ZSCAN21: variants seen among roughly 807,000 people sequenced by gnomAD.
The protein encoded by ZSCAN21 is zinc finger and SCAN domain containing 21.
Under a neutral mutation model 35.6 loss-of-function variants are expected in ZSCAN21, and 26 were observed. The observed-to-expected ratio is 0.73, with a 90% CI of 0.54 to 1.01. The LOEUF (loss-of-function observed/expected upper bound fraction) is 1.01, where lower values mean the gene tolerates loss of function less well. Ranked by LOEUF, ZSCAN21 falls within the 50% of genes least tolerant of loss-of-function variation. The pLI, the probability that ZSCAN21 is intolerant of heterozygous loss-of-function variation, is 0.00. For missense variants in ZSCAN21, 593 were observed against 587.1 expected (o/e 1.01, Z -0.10); for synonymous variants, 219 against 219.3 (o/e 1.00, Z 0.01).
At chr7:100,054,408 C>T (rs893670739) in intron 1 of ZSCAN21, among the ~76,000 whole-genome samples, 20 of 151,704 alleles carry the variant, frequency 1.3e-4, no homozygotes, top group Non-Finnish European at 8.8e-5. Flanking sequence ...TGTCACCACG[C>T]CCGGCTAATT....
chr7:100,054,390 C>T (rs907193567), intron 1 of ZSCAN21, among the ~76,000 whole-genome samples: 5 of 151,690 alleles, frequency 3.3e-5, no homozygotes, highest in African/African-American at 9.7e-5. Context: ...GTTGGGATCA[C>T]AGGTGCCTGT....
intron 1 of ZSCAN21, among the ~76,000 whole-genome samples, chr7:100,052,524 G>A (rs547897265): frequency 2.0e-5 from 3 of 152,238 alleles, no homozygotes; most frequent in African/African-American, 7.2e-5. Context: ...AATGAGAGTT[G>A]CCATTAGCTG....
chr7:100,063,857 A>C lies in ZSCAN21; in HGVS notation c.662A>C (p.Lys221Thr). The C allele has an allele frequency of 6.2e-7, 1 of 1,614,144 alleles. No individual in the cohort carries two copies. The highest frequency in any genetic ancestry group is 8.5e-7 in the Non-Finnish European group (1 of 1,180,034). ...AAAGGTTCTGAAGCAGAGGGGCTCA[A>C]AGGGGATATAATTTCTGTGATTATC... Reference protein sequence around the residue: ...EQKGSEAEGLKGDIISVIIAN... With the variant: ...EQKGSEAEGLTGDIISVIIAN... The change falls in exon 4 of 4, where the codon AAA becomes ACA. Residue 221 changes from lysine (K) to threonine (T), a missense_variant. Lys to Thr is a moderately conservative substitution (Grantham distance 78). Transcript: ENST00000292450.
At chr7:100,053,551 T>TG (rs1791969753) in intron 1 of ZSCAN21, among the ~76,000 whole-genome samples, 2 of 37,224 alleles carry the variant, frequency 5.4e-5, no homozygotes, top group South Asian at 8.3e-4. Context: ...ACATAATTTT[T>TG]TTTTTTTTTT....
chr7:100,056,843 A>G, intron 1 of ZSCAN21, 68 bp from the exon 2 acceptor site: 1 of 663,486 alleles, frequency 1.5e-6, no homozygotes, highest in Admixed American at 2.6e-5. Context: ...CTTGTGTTAA[A>G]GGTATGGCTG....
intron 1 of ZSCAN21, among the ~76,000 whole-genome samples, chr7:100,055,953 T>C (rs891076288): frequency 1.4e-5 from 2 of 141,302 alleles, no homozygotes; most frequent in Non-Finnish European, 3.0e-5. Flanking sequence ...TCCTCTTTTT[T>C]TTTTTTAGAC....
At chr7:100,054,872 C>A (rs1223488059) in intron 1 of ZSCAN21, among the ~76,000 whole-genome samples, 2 of 148,846 alleles carry the variant, frequency 1.3e-5, no homozygotes, top group East Asian at 2.0e-4. Context: ...CTAATCAAAG[C>A]CTTAATTTCA....
At chr7:100,062,281 C>CTTTTTTT (rs921079005) in intron 3 of ZSCAN21, among the ~76,000 whole-genome samples, 1 of 96,648 alleles carries the variant, frequency 1.0e-5, no homozygotes, top group African/African-American at 3.8e-5. Flanking sequence ...CTCAACTGTT[C>CTTTTTTT]TTTTTTTTTT....
chr7:100,064,058 A>G lies in ZSCAN21; in HGVS notation c.863A>G (p.Asn288Ser), dbSNP rs753061917. The change falls in exon 4 of 4, where the codon AAT becomes AGT. Residue 288 changes from asparagine to serine, a missense_variant. Coordinates refer to ENST00000292450, the MANE Select transcript of ZSCAN21 (RefSeq NM_145914.3). ...GCTGAATGTGGCAAAGCCTTTAGTAATAGCTCAAATCTCACCAAACACAGG... is the reference window on the plus strand; with the variant it reads ...GCTGAATGTGGCAAAGCCTTTAGTAGTAGCTCAAATCTCACCAAACACAGG... ...ICAECGKAFS[N>S]SSNLTKHRRT... 2.2e-5 allele frequency: 36 copies of G among 1,614,040 alleles called. No homozygotes were observed. In the Admixed American group the frequency reaches 3.3e-4, roughly 15 times the overall value.
chr7:100,061,181 C>G (rs1371641642), intron 3 of ZSCAN21, among the ~76,000 whole-genome samples: 3 of 152,168 alleles, frequency 2.0e-5, no homozygotes, highest in African/African-American at 7.2e-5. Context: ...ATAAATAGTC[C>G]TGGTAAATTC....
In ZSCAN21 at chr7:100,054,700, G is replaced by A. The variant is rs577512693; in HGVS notation, c.-96-2211G>A. ...CCACCAACATTTCTTTTGGTGGAGC[G>A]TGGTGGTGCGTGCCTGTAGTCCCAG... On this transcript the variant is annotated intron_variant, in intron 1 of 3. Transcript: ENST00000292450. Among the ~76,000 whole-genome samples the A allele has an allele frequency of 1.3e-4, 19 of 150,970 alleles. No homozygotes were observed. In the South Asian group the frequency reaches 1.5e-3, roughly 12 times the overall value.
At chr7:100,056,876 A>G in intron 1 of ZSCAN21, 35 bp from the exon 2 acceptor site, 6 of 992,716 alleles carry the variant, frequency 6.0e-6, no homozygotes, top group Non-Finnish European at 8.7e-6. Flanking sequence ...AACACTTTTC[A>G]GTTTGATTAT....
intron 3 of ZSCAN21, among the ~76,000 whole-genome samples, chr7:100,060,057 T>C (rs1792226808): frequency 6.6e-6 from 1 of 152,204 alleles, no homozygotes; most frequent in African/African-American, 2.4e-5. Context: ...AGAAACAAAA[T>C]AGAATTTCTA....
Position 100,064,032 on chromosome 7 carries a change from T to G in ZSCAN21, c.837T>G (p.Cys279Trp). The part of the protein sequence containing the change: ...KPTPGERRYI[C>W]AECGKAFSNS... ...CCCCAGGAGAGAGACGTTATATATGTGCTGAATGTGGCAAAGCCTTTAGTA... is the reference window on the plus strand; with the variant it reads ...CCCCAGGAGAGAGACGTTATATATGGGCTGAATGTGGCAAAGCCTTTAGTA... The change falls in exon 4 of 4, where the codon TGT becomes TGG. Residue 279 changes from cysteine (C) to tryptophan (W), a missense_variant. Physicochemically the swap from Cys to Trp is radical, Grantham distance 215 (BLOSUM62 -2). Coordinates refer to ENST00000292450, the MANE Select transcript of ZSCAN21 (RefSeq NM_145914.3). The G allele has an allele frequency of 1.9e-6, 3 of 1,614,146 alleles. No homozygotes were observed. The highest frequency in any genetic ancestry group is 1.7e-6 in the Non-Finnish European group (2 of 1,180,022).
chr7:100,051,078 T>C (rs1329969287), intron 1 of ZSCAN21, among the ~76,000 whole-genome samples: 2 of 143,104 alleles, frequency 1.4e-5, no homozygotes, highest in Non-Finnish European at 3.0e-5. Flanking sequence ...GTAAGGAGGC[T>C]GAGGCAGGAG....
rs768013042 is a variant in ZSCAN21, at chr7:100,056,998, G to T, written c.-9G>T. The stretch of plus-strand genomic sequence containing the variant: ...TCCCATCTTTGGTGAGGCTGTTTCT[G>T]GAGTTTACATGATGACCAAGGTACT... On this transcript the variant is annotated 5_prime_UTR_variant, in exon 2 of 4. Transcript: ENST00000292450. The T allele has an allele frequency of 6.3e-7, 1 of 1,575,344 alleles. No individual in the cohort carries two copies. The highest frequency in any genetic ancestry group is 1.2e-5 in the South Asian group (1 of 86,614).
intron 1 of ZSCAN21, among the ~76,000 whole-genome samples, chr7:100,055,512 A>G (rs576893037): frequency 6.6e-6 from 1 of 152,130 alleles, no homozygotes; most frequent in Non-Finnish European, 1.5e-5. Flanking sequence ...TCGGACTCCC[A>G]GAGTGCTGGG....
At chr7:100,062,452 G>A (rs766901680) in intron 3 of ZSCAN21, among the ~76,000 whole-genome samples, 11 of 151,482 alleles carry the variant, frequency 7.3e-5, no homozygotes, top group Non-Finnish European at 1.3e-4. Context: ...AAAATAAGCC[G>A]GGCATGGTGG....
At chr7:100,054,764 G>A (rs1462585813) in intron 1 of ZSCAN21, among the ~76,000 whole-genome samples, 4 of 148,132 alleles carry the variant, frequency 2.7e-5, no homozygotes, top group Admixed American at 1.3e-4. Flanking sequence ...GCTTGAACCC[G>A]GGAGGCGGAG....
Sources: gnomAD v4.1 joint callset for allele counts (sites outside exome capture counted in the v4.1 genomes callset) on GRCh38, gnomAD v4.1.1 for gene constraint, MANE v1.5 for transcripts, NCBI Gene and HGNC (gene_info 2026-07-23, HGNC 2026-07-21) for gene names.